Variants in SLC35F1 observed in about 807,000 individuals in gnomAD.
The protein encoded by SLC35F1 is chromosome 6 open reading frame 169.
SLC35F1 carries 14 observed loss-of-function variants against 48.7 expected under a neutral mutation model. The observed-to-expected ratio is 0.29, with a 90% CI of 0.19 to 0.45. The LOEUF is 0.45. Among genes scored for constraint, SLC35F1 ranks in the 20% least tolerant of loss-of-function variants. The probability of loss-of-function intolerance (pLI) is 1.00; values close to 1 mark genes in which losing one functional copy is unlikely to be tolerated. For synonymous variants in SLC35F1, 190 were observed against 202.2 expected (o/e 0.94, Z 0.51); for missense variants, 404 against 500.0 (o/e 0.81, Z 1.83).
At chr6:118,184,502 C>T (rs937020682) in intron 2 of SLC35F1, among the ~76,000 whole-genome samples, 1 of 152,204 alleles carries the variant, frequency 6.6e-6, no homozygotes, top group South Asian at 2.1e-4. Context: ...TCCTGCTTCT[C>T]CCTTTCAGTC....
intron 1 of SLC35F1, among the ~76,000 whole-genome samples, chr6:118,087,767 A>G (rs1036958736): frequency 6.6e-6 from 1 of 152,036 alleles, no homozygotes; most frequent in Non-Finnish European, 1.5e-5. Flanking sequence ...CTGCCATAGT[A>G]CTCTGTCTAT....
chr6:118,182,319 AG>A (rs915686961), intron 2 of SLC35F1, among the ~76,000 whole-genome samples: 2 of 151,814 alleles, frequency 1.3e-5, no homozygotes, highest in African/African-American at 2.4e-5. Flanking sequence ...CAAATAAAAA[AG>A]AAAAATTTTT....
At chr6:118,031,844 A>G (rs1186458782) in intron 1 of SLC35F1, among the ~76,000 whole-genome samples, 1 of 152,148 alleles carries the variant, frequency 6.6e-6, no homozygotes, top group African/African-American at 2.4e-5. Flanking sequence ...TTGCTATGGA[A>G]AGGGGTGGTA....
chr6:118,053,249 G>T (rs1772416160), intron 1 of SLC35F1, among the ~76,000 whole-genome samples: 1 of 152,088 alleles, frequency 6.6e-6, no homozygotes, highest in Non-Finnish European at 1.5e-5. Flanking sequence ...TTACTTTGCT[G>T]CTTCTTAGGC....
intron 2 of SLC35F1, among the ~76,000 whole-genome samples, chr6:118,227,985 T>C (rs1164847448): frequency 2.0e-5 from 3 of 152,178 alleles, no homozygotes; most frequent in East Asian, 3.8e-4. Context: ...TCATTAATAG[T>C]AGAAAGATTG....
At chr6:118,238,547 G>T (rs920498783) in intron 3 of SLC35F1, among the ~76,000 whole-genome samples, 9 of 151,828 alleles carry the variant, frequency 5.9e-5, no homozygotes, top group Non-Finnish European at 1.2e-4. Context: ...ATGTCATCAG[G>T]GACTCATTTT....
chr6:118,046,581 A>T (rs1772305560), intron 1 of SLC35F1, among the ~76,000 whole-genome samples: 1 of 152,264 alleles, frequency 6.6e-6, no homozygotes, highest in East Asian at 1.9e-4. Flanking sequence ...GTCTAGCTTC[A>T]GTTTCTTTAT....
intron 1 of SLC35F1, among the ~76,000 whole-genome samples, chr6:117,968,514 ACT>A (rs1776599434): frequency 6.6e-6 from 1 of 152,114 alleles, no homozygotes; most frequent in Admixed American, 6.5e-5. Flanking sequence ...GAGTGCCAAA[ACT>A]CTACCAATAT....
At chr6:118,211,688 C>T (rs1433336391) in intron 2 of SLC35F1, among the ~76,000 whole-genome samples, 1 of 152,148 alleles carries the variant, frequency 6.6e-6, no homozygotes, top group Admixed American at 6.5e-5. Context: ...TTAATATTTT[C>T]ATGCTGCTTA....
chr6:118,290,816 A>G (rs1170597464), intron 7 of SLC35F1, among the ~76,000 whole-genome samples: 1 of 137,866 alleles, frequency 7.3e-6, no homozygotes, highest in African/African-American at 2.7e-5. Context: ...TTTTTTCGAG[A>G]CAGAGTCTCA....
intron 1 of SLC35F1, among the ~76,000 whole-genome samples, chr6:118,000,912 A>C (rs1256204235): frequency 6.6e-6 from 1 of 152,174 alleles, no homozygotes; most frequent in Non-Finnish European, 1.5e-5. Flanking sequence ...TGACCTCTTC[A>C]AGGAGAACTA....
chr6:118,016,784 GACTCACAGTAGC>G (rs1165312821), intron 1 of SLC35F1, among the ~76,000 whole-genome samples: 1 of 152,150 alleles, frequency 6.6e-6, no homozygotes, highest in African/African-American at 2.4e-5. Context: ...TCTTTTTAAA[GACTCACAGTAGC>G]ACTTTTGAGG....
chr6:118,072,570 A>G (rs1246464455), intron 1 of SLC35F1, among the ~76,000 whole-genome samples: 1 of 152,148 alleles, frequency 6.6e-6, no homozygotes, highest in Non-Finnish European at 1.5e-5. Flanking sequence ...CCTCAAAAAA[A>G]GAAAAAAAAA....
chr6:118,147,083 A>G (rs530205436), intron 1 of SLC35F1, among the ~76,000 whole-genome samples: 2 of 152,284 alleles, frequency 1.3e-5, no homozygotes, highest in South Asian at 4.1e-4. Context: ...AAAGAGGGAG[A>G]CACAGCACAG....
chr6:117,941,120 T>A (rs915907964), intron 1 of SLC35F1, among the ~76,000 whole-genome samples: 2 of 152,224 alleles, frequency 1.3e-5, no homozygotes, highest in African/African-American at 4.8e-5. Context: ...AGACTTGGTG[T>A]CCCCATGTTG....
intron 2 of SLC35F1, among the ~76,000 whole-genome samples, chr6:118,201,534 T>C (rs1251693660): frequency 6.6e-6 from 1 of 152,244 alleles, no homozygotes; most frequent in African/African-American, 2.4e-5. Context: ...ACAATGCAGT[T>C]GATGAATACA....
At chr6:118,041,031 A>G (rs1204797242) in intron 1 of SLC35F1, among the ~76,000 whole-genome samples, 3 of 152,218 alleles carry the variant, frequency 2.0e-5, no homozygotes, top group Non-Finnish European at 4.4e-5. Flanking sequence ...TTCTAGTATT[A>G]TAAGAAATAT....
intron 2 of SLC35F1, among the ~76,000 whole-genome samples, chr6:118,190,598 C>T (rs1023703936): frequency 2.0e-5 from 3 of 152,140 alleles, no homozygotes; most frequent in Non-Finnish European, 4.4e-5. Context: ...ACATTTCTTT[C>T]AGCTCTTGTC....
intron 1 of SLC35F1, among the ~76,000 whole-genome samples, chr6:118,117,203 C>T (rs529972126): frequency 6.6e-6 from 1 of 152,270 alleles, no homozygotes; most frequent in South Asian, 2.1e-4. Flanking sequence ...ACCAACACCC[C>T]TATTTGCATA....
Sources: gnomAD v4.1 joint callset for allele counts (sites outside exome capture counted in the v4.1 genomes callset) on GRCh38, gnomAD v4.1.1 for gene constraint, MANE v1.5 for transcripts, NCBI Gene and HGNC (gene_info 2026-07-23, HGNC 2026-07-21) for gene names.